WDPCP: variants seen among roughly 807,000 people sequenced by gnomAD.
WDPCP encodes the protein WD repeat containing planar cell polarity effector.
WDPCP carries 71 observed loss-of-function variants against 93.1 expected under a neutral mutation model. The observed-to-expected ratio is 0.76, with a 90% confidence interval of 0.63 to 0.93. WDPCP has a LOEUF of 0.93. Ranked by LOEUF, WDPCP falls within the 40% of genes least tolerant of loss-of-function variation. The pLI is 0.00. For missense variants in WDPCP, 844 were observed against 887.4 expected (o/e 0.95, Z 0.62); for synonymous variants, 315 against 315.0 (o/e 1.00, Z 0.00).
chr2:63,504,231 A>C (rs903477819), intron 1 of WDPCP, among the ~76,000 whole-genome samples: 1 of 151,932 alleles, frequency 6.6e-6, no homozygotes, highest in Non-Finnish European at 1.5e-5. Context: ...GGGAATAGAA[A>C]CGTGGGTAAC....
intron 12 of WDPCP, among the ~76,000 whole-genome samples, chr2:63,349,784 T>C (rs998059833): frequency 3.9e-5 from 6 of 152,296 alleles, no homozygotes; most frequent in African/African-American, 1.4e-4. Context: ...AAAACTAATT[T>C]ACTAGGCTAG....
chr2:63,703,335 T>C (rs199865181), intron 2 of WDPCP, among the ~76,000 whole-genome samples: 26 of 152,156 alleles, frequency 1.7e-4, no homozygotes, highest in Non-Finnish European at 3.8e-4. Flanking sequence ...TACAGTCCCA[T>C]CAACAGTGTA....
chr2:63,653,700 C>T (rs985085766), intron 2 of WDPCP, among the ~76,000 whole-genome samples: 1 of 152,144 alleles, frequency 6.6e-6, no homozygotes, highest in Non-Finnish European at 1.5e-5. Context: ...CACTTGAAGT[C>T]AGGAGTTCGT....
intron 1 of WDPCP, among the ~76,000 whole-genome samples, chr2:63,530,162 A>AT (rs1268226626): frequency 1.9e-4 from 29 of 152,178 alleles, no homozygotes; most frequent in African/African-American, 6.0e-4. Flanking sequence ...TCCTGGATTC[A>AT]TTGATTTTTT....
At chr2:63,745,762 C>A (rs558331782) in intron 2 of WDPCP, among the ~76,000 whole-genome samples, 27 of 152,202 alleles carry the variant, frequency 1.8e-4, no homozygotes, top group African/African-American at 6.5e-4. Flanking sequence ...TTCTGTATGA[C>A]TCCTGATGAG....
intron 14 of WDPCP, among the ~76,000 whole-genome samples, chr2:63,247,841 T>C (rs530466335): frequency 1.3e-5 from 2 of 152,228 alleles, no homozygotes; most frequent in South Asian, 4.1e-4. Context: ...GGCTTTTTGT[T>C]ACTCATTTCC....
intron 13 of WDPCP, among the ~76,000 whole-genome samples, chr2:63,274,559 T>C (rs1682929245): frequency 6.6e-6 from 1 of 152,018 alleles, no homozygotes; most frequent in Non-Finnish European, 1.5e-5. Flanking sequence ...TCTATACATT[T>C]CTAGCTAGAC....
At chr2:63,669,844 T>G (rs1349919318) in intron 2 of WDPCP, among the ~76,000 whole-genome samples, 1 of 152,186 alleles carries the variant, frequency 6.6e-6, no homozygotes. Flanking sequence ...ACCCCAGGAT[T>G]TGTCCAGTGC....
intron 13 of WDPCP, 61 bp downstream of exon 13, chr2:63,313,187 C>A (rs1686310103): frequency 7.3e-6 from 11 of 1,507,788 alleles, no homozygotes; most frequent in South Asian, 1.1e-5. Context: ...TTTATGGTCA[C>A]AAAAGCTGAC....
intron 12 of WDPCP, among the ~76,000 whole-genome samples, chr2:63,374,353 G>A (rs1217859522): frequency 6.6e-6 from 1 of 151,954 alleles, no homozygotes. Flanking sequence ...TTACTTTACT[G>A]CCAGCTCAAC....
chr2:63,204,841 A>C (rs1418455973), intron 14 of WDPCP, among the ~76,000 whole-genome samples: 1 of 152,046 alleles, frequency 6.6e-6, no homozygotes, highest in Non-Finnish European at 1.5e-5. Flanking sequence ...GCTGGGTAGA[A>C]GCTTTTAAAC....
chr2:63,506,559 A>G (rs1454480067), intron 1 of WDPCP, among the ~76,000 whole-genome samples: 2 of 152,138 alleles, frequency 1.3e-5, no homozygotes, highest in Non-Finnish European at 2.9e-5. Context: ...AGAAAGCAGA[A>G]AGCAAGTACC....
At chr2:63,377,423 A>C (rs1028802154) in intron 12 of WDPCP, among the ~76,000 whole-genome samples, 21 of 151,582 alleles carry the variant, frequency 1.4e-4, no homozygotes, top group Non-Finnish European at 2.5e-4. Flanking sequence ...CATATATAAA[A>C]GAATACTATA....
intron 12 of WDPCP, among the ~76,000 whole-genome samples, chr2:63,376,453 T>C (rs1472044865): frequency 2.6e-5 from 4 of 151,950 alleles, no homozygotes. Context: ...TAGAGCATCC[T>C]AGAGCCAGCA....
intron 9 of WDPCP, among the ~76,000 whole-genome samples, chr2:63,431,604 T>C (rs913623150): frequency 1.3e-5 from 2 of 151,370 alleles, no homozygotes; most frequent in African/African-American, 2.4e-5. Flanking sequence ...TTTAATAGAC[T>C]GGTACTTTTG....
At chr2:63,376,241 G>C (rs1691843715) in intron 12 of WDPCP, among the ~76,000 whole-genome samples, 2 of 151,848 alleles carry the variant, frequency 1.3e-5, no homozygotes, top group Non-Finnish European at 2.9e-5. Flanking sequence ...AATTGAAACA[G>C]TAGCAAAGTA....
intron 13 of WDPCP, among the ~76,000 whole-genome samples, chr2:63,299,939 G>T (rs1235949092): frequency 6.6e-6 from 1 of 152,084 alleles, no homozygotes; most frequent in African/African-American, 2.4e-5. Flanking sequence ...TAAGATGGCG[G>T]CTCCATCTTC....
At chr2:63,627,013 TAAC>T (rs749257676) in intron 3 of WDPCP, among the ~76,000 whole-genome samples, 1 of 151,074 alleles carries the variant, frequency 6.6e-6, no homozygotes, top group African/African-American at 2.4e-5. Flanking sequence ...AATATATAAA[TAAC>T]AACAACAACA....
chr2:63,463,799 C>G (rs1288411581), intron 6 of WDPCP, among the ~76,000 whole-genome samples: 1 of 151,992 alleles, frequency 6.6e-6, no homozygotes, highest in South Asian at 2.1e-4. Context: ...TGCAAAAGAA[C>G]GAAGTTGAAC....
Sources: allele counts gnomAD v4.1 joint callset (sites outside exome capture counted in the v4.1 genomes callset), GRCh38; gene constraint gnomAD v4.1.1; transcripts MANE v1.5; gene names NCBI Gene and HGNC (gene_info 2026-07-23, HGNC 2026-07-21).